AHCTF1: variants seen among roughly 807,000 people sequenced by gnomAD.
The protein encoded by AHCTF1 is protein ELYS.
Under a neutral mutation model 248.4 loss-of-function variants are expected in AHCTF1, and 24 were observed. The observed-to-expected ratio is 0.10, with a 90% CI of 0.07 to 0.14. The LOEUF (loss-of-function observed/expected upper bound fraction) is 0.14. Ranked by LOEUF, AHCTF1 falls within the 10% of genes least tolerant of loss-of-function variation. The pLI is 1.00. For missense variants in AHCTF1, 2,206 were observed against 2,636.2 expected (o/e 0.84, Z 3.57); for synonymous variants, 786 against 929.8 (o/e 0.85, Z 2.81).
chr1:246,918,464 G>A (rs1666299692), intron 1 of AHCTF1, 87 bp from the exon 2 acceptor site: 4 of 1,254,358 alleles, frequency 3.2e-6, no homozygotes, highest in Non-Finnish European at 4.2e-6. Flanking sequence ...AACAGTAAAA[G>A]CCACCAACAA....
At chr1:246,885,722 A>G in intron 20 of AHCTF1, 42 bp from the exon 21 acceptor site, 1 of 1,525,874 alleles carries the variant, frequency 6.6e-7, no homozygotes, top group East Asian at 2.5e-5. Context: ...ATATAATCCT[A>G]TACATTTAGA....
chr1:246,857,798 T>C lies in AHCTF1; in HGVS notation c.4149A>G (p.Ala1383=), dbSNP rs758664218. The C allele has an allele frequency of 1.2e-6, 2 of 1,611,700 alleles. No individual in the cohort carries two copies. The highest frequency in any genetic ancestry group is 2.2e-5 in the South Asian group (2 of 90,868). ...LQKQMGNLED[A]ETKDLLVAAE... is the part of the protein sequence containing the mutation. Reference sequence around the variant, plus strand: ...CTGCAACTAAGAGATCCTTTGTTTCTGCATCTTCTAAATTGCCTATAAGTC... The same window carrying C: ...CTGCAACTAAGAGATCCTTTGTTTCCGCATCTTCTAAATTGCCTATAAGTC... Residue 1383 remains alanine (A), a synonymous_variant, in exon 30 of 36, where the codon GCA becomes GCG. Transcript: ENST00000648844.
intron 24 of AHCTF1, among the ~76,000 whole-genome samples, chr1:246,872,027 T>C (rs1261518179): frequency 1.5e-5 from 2 of 137,482 alleles, no homozygotes; most frequent in East Asian, 4.0e-4. Context: ...CACACTTAGA[T>C]TCAGAAAGAT....
chr1:246,875,817 T>C (rs116663150), intron 24 of AHCTF1, among the ~76,000 whole-genome samples: 105 of 152,342 alleles, frequency 6.9e-4, no homozygotes, highest in African/African-American at 2.4e-3. Context: ...CTTAGAAGTA[T>C]AGTGTAAACA....
rs1170204001 is a variant in AHCTF1 at position 246,900,110 on chromosome 1, A to G, written c.1387T>C (p.Tyr463His). 1.9e-6 allele frequency: 3 copies of G among 1,607,020 alleles called. No individual in the cohort carries two copies. The Admixed American group carries it at 5.1e-5, about 28-fold the overall frequency. The change falls in exon 10 of 36, where the codon TAT (tyrosine) becomes CAT (histidine). Residue 463 changes from tyrosine (Y) to histidine (H), a missense_variant. By Grantham distance (83) the Tyr-to-His change is moderately conservative. Transcript: ENST00000648844. ...RSLNRGVPPS[Y>H]PPPEQFFNPS... ...TTAAAAAACTGCTCGGGAGGTGGAT[A>G]TGAAGGAGGGACTCCTCTATTTAAA... is the stretch of plus-strand genomic sequence containing the variant.
chr1:246,882,190 G>A (rs1365772170), intron 21 of AHCTF1, among the ~76,000 whole-genome samples: 4 of 150,842 alleles, frequency 2.7e-5, no homozygotes, highest in African/African-American at 9.8e-5. Flanking sequence ...GTAGAGATGG[G>A]GTTTCACCGT....
intron 8 of AHCTF1, among the ~76,000 whole-genome samples, chr1:246,901,186 C>T (rs1011816908): frequency 2.6e-5 from 4 of 151,994 alleles, no homozygotes; most frequent in Admixed American, 2.0e-4. Context: ...CAAAAAAATA[C>T]AAAAATTAGC....
chr1:246,899,633 TTAAA>T, intron 10 of AHCTF1, 121 bp from the exon 11 acceptor site: 1 of 643,140 alleles, frequency 1.6e-6, no homozygotes, highest in Non-Finnish European at 2.5e-6. Context: ...TAATAAATCT[TTAAA>T]TAAACTTTTC....
At position 246,918,366 on chromosome 1, in the gene AHCTF1, C is replaced by T. The variant is rs376323714; in HGVS notation, c.5G>A (p.Arg2Gln). The T allele has an allele frequency of 2.2e-5, 36 of 1,609,738 alleles. No individual in the cohort carries two copies. The highest frequency in any genetic ancestry group is 2.9e-5 in the Non-Finnish European group (34 of 1,178,136). ...ACTAGTCACTTGAGCTCTTAAGTCT[C>T]GCATACTTCCACTGTAAATATTTTT... M[R>Q]DLRAQVTSGL... The change falls in exon 2 of 36, where the codon CGA (arginine) becomes CAA (glutamine). Residue 2 changes from arginine to glutamine, a missense_variant. Transcript: ENST00000648844.
At chr1:246,899,269 G>A (rs957948078) in intron 11 of AHCTF1, among the ~76,000 whole-genome samples, 182 bp downstream of exon 11, 3 of 152,056 alleles carry the variant, frequency 2.0e-5, no homozygotes, top group African/African-American at 4.8e-5. Flanking sequence ...CATACAATAC[G>A]TCTTCCGGCA....
chr1:246,892,684 T>C (rs899900062), intron 14 of AHCTF1, among the ~76,000 whole-genome samples: 1 of 152,006 alleles, frequency 6.6e-6, no homozygotes, highest in Non-Finnish European at 1.5e-5. Flanking sequence ...TGGGCTGGAG[T>C]GCAATGGTAC....
At chr1:246,860,121 A>G (rs1336836645) in intron 29 of AHCTF1, among the ~76,000 whole-genome samples, 2 of 150,958 alleles carry the variant, frequency 1.3e-5, no homozygotes, top group Non-Finnish European at 3.0e-5. Flanking sequence ...TTAGCCAGTC[A>G]TGGTGGGGGG....
chr1:246,913,116 AG>A, intron 4 of AHCTF1, 115 bp downstream of exon 4: 1 of 746,136 alleles, frequency 1.3e-6, no homozygotes, highest in Non-Finnish European at 2.0e-6. Context: ...TTTTATAGAT[AG>A]GAAGATATCT....
intron 4 of AHCTF1, among the ~76,000 whole-genome samples, chr1:246,909,071 A>ATCTATC (rs1665600605): frequency 7.5e-6 from 1 of 133,750 alleles, no homozygotes; most frequent in African/African-American, 2.9e-5. Flanking sequence ...CTATATCTAT[A>ATCTATC]TATATCTATA....
chr1:246,861,746 T>G (rs1661566724), intron 28 of AHCTF1, among the ~76,000 whole-genome samples: 1 of 152,206 alleles, frequency 6.6e-6, no homozygotes, highest in South Asian at 2.1e-4. Flanking sequence ...TGCTTCCGAG[T>G]CCTATTTATC....
chr1:246,886,847 C>T (rs1663851338), intron 20 of AHCTF1, among the ~76,000 whole-genome samples: 1 of 152,108 alleles, frequency 6.6e-6, no homozygotes, highest in African/African-American at 2.4e-5. Flanking sequence ...CTCTAAGACC[C>T]TATCACACTA....
Position 246,850,503 on chromosome 1 carries a change from T to C in AHCTF1, c.5503A>G (p.Ile1835Val). 6.2e-7 allele frequency: 1 copy of C among 1,601,374 alleles called. No individual in the cohort carries two copies. The highest frequency in any genetic ancestry group is 8.5e-7 in the Non-Finnish European group (1 of 1,174,338). Residue 1835 changes from isoleucine to valine, a missense_variant, in exon 33 of 36, where the codon ATC (isoleucine) becomes GTC (valine). Ile to Val is a conservative substitution (Grantham distance 29, BLOSUM62 3). Around this residue, in one of 6 missense-constraint regions of AHCTF1, gnomAD observed 29 missense variants for 57.1 expected, o/e 0.51. Transcript: ENST00000648844. ...CTTTTTGATTCCCTACCTGTAGTGA[T>C]CTGTAATTCTTGTTCCACAGAACTG... ...NTSSVEQELQ[I>V]TTGRESKRLK... is the part of the protein sequence containing the mutation.
chr1:246,907,400 C>T (rs758579118), intron 5 of AHCTF1, 151 bp downstream of exon 5: 16 of 668,094 alleles, frequency 2.4e-5, no homozygotes, highest in Non-Finnish European at 3.5e-5. Flanking sequence ...TGATTTAATG[C>T]CATGAAAAAT....
rs1171714954 is a variant in AHCTF1 at position 246,910,249 on chromosome 1, CAG to C, written c.557-2493_557-2492del. 5.9e-5 allele frequency among the ~76,000 whole-genome samples: 9 copies of C among 152,206 alleles called. No individual in the cohort carries two copies. The South Asian group carries it at 1.7e-3, about 28-fold the overall frequency. On this transcript the variant is annotated intron_variant, in intron 4 of 35. Transcript: ENST00000648844. ...AAGTCAATGGCACTAAAAATAAAAA[CAG>C]AGAGGACAGAAAGAGGATTGCTGTA...
Sources: allele counts gnomAD v4.1 joint callset (sites outside exome capture counted in the v4.1 genomes callset), GRCh38; gene constraint gnomAD v4.1.1; regional missense constraint gnomAD v4.1.1; transcripts MANE v1.5; gene names NCBI Gene and HGNC (gene_info 2026-07-23, HGNC 2026-07-21).